The following OPCML variants were observed in gnomAD, a reference collection of about 807,000 sequenced individuals.
The protein encoded by OPCML is opioid-binding protein/cell adhesion molecule.
Under a neutral mutation model 37.8 loss-of-function variants are expected in OPCML, and 13 were observed. The ratio of observed to expected loss-of-function variants is 0.34; its 90% CI spans 0.22 to 0.55. The LOEUF (loss-of-function observed/expected upper bound fraction) is 0.55. Ranked by LOEUF, OPCML falls within the 20% of genes least tolerant of loss-of-function variation. The probability of loss-of-function intolerance (pLI) is 0.91; values close to 1 mark genes in which losing one functional copy is unlikely to be tolerated. For synonymous variants in OPCML, 176 were observed against 168.8 expected (o/e 1.04, Z -0.33); for missense variants, 341 against 435.6 (o/e 0.78, Z 1.93).
At chr11:133,379,443 T>G (rs1346096699) in intron 1 of OPCML, among the ~76,000 whole-genome samples, 1 of 152,208 alleles carries the variant, frequency 6.6e-6, no homozygotes, top group African/African-American at 2.4e-5. Context: ...ATCAGGAAAT[T>G]TTGTGATTCT....
At chr11:132,678,859 C>T (rs1255321594) in intron 2 of OPCML, among the ~76,000 whole-genome samples, 1 of 151,976 alleles carries the variant, frequency 6.6e-6, no homozygotes, top group Non-Finnish European at 1.5e-5. Flanking sequence ...CAAGAGTGAA[C>T]CTTATTGTGA....
intron 1 of OPCML, among the ~76,000 whole-genome samples, chr11:132,993,182 G>A (rs1276506881): frequency 6.6e-6 from 1 of 152,162 alleles, no homozygotes; most frequent in African/African-American, 2.4e-5. Flanking sequence ...GGACGTGCAT[G>A]TCTATGTACG....
chr11:132,504,625 G>A (rs529191508), intron 4 of OPCML, among the ~76,000 whole-genome samples: 14 of 152,070 alleles, frequency 9.2e-5, no homozygotes, highest in Middle Eastern at 6.8e-3. Flanking sequence ...CAGGTTAAAT[G>A]TAGGTTGTTG....
intron 1 of OPCML, among the ~76,000 whole-genome samples, chr11:133,492,457 C>G (rs773280132): frequency 6.6e-6 from 1 of 152,040 alleles, no homozygotes; most frequent in East Asian, 1.9e-4. Flanking sequence ...GGAGGAACAA[C>G]CCAAACGTCA....
chr11:132,598,822 T>G (rs1937627189), intron 3 of OPCML, among the ~76,000 whole-genome samples: 2 of 152,180 alleles, frequency 1.3e-5, no homozygotes, highest in Non-Finnish European at 2.9e-5. Context: ...TATGTTTTTT[T>G]TAAAAAAATT....
chr11:133,245,045 T>C (rs373544777), intron 1 of OPCML, among the ~76,000 whole-genome samples: 1 of 152,196 alleles, frequency 6.6e-6, no homozygotes, highest in East Asian at 1.9e-4. Flanking sequence ...CAAATGCCCA[T>C]CTTCCTCATG....
intron 1 of OPCML, among the ~76,000 whole-genome samples, chr11:133,028,130 ATTTCTTTCTT>A (rs1947598570): frequency 6.6e-6 from 1 of 152,082 alleles, no homozygotes; most frequent in Non-Finnish European, 1.5e-5. Flanking sequence ...CTTTATTTTT[ATTTCTTTCTT>A]TTTATTTTCT....
At chr11:132,468,323 C>T (rs1048191370) in intron 4 of OPCML, among the ~76,000 whole-genome samples, 14 of 152,212 alleles carry the variant, frequency 9.2e-5, no homozygotes, top group Non-Finnish European at 2.1e-4. Flanking sequence ...ACTTTCTATC[C>T]ATACCCCCAT....
intron 1 of OPCML, among the ~76,000 whole-genome samples, chr11:133,147,612 AG>A (rs1442082984): frequency 1.3e-5 from 2 of 152,190 alleles, no homozygotes; most frequent in Non-Finnish European, 2.9e-5. Context: ...GGTAATACAC[AG>A]AAGGGATGGG....
In OPCML at chr11:132,854,283, C is replaced by T. The variant is rs182278905; in HGVS notation, c.146+88643G>A. Among the ~76,000 whole-genome samples the T allele has an allele frequency of 1.1e-4, 17 of 152,322 alleles. No individual in the cohort carries two copies. In the East Asian group the frequency reaches 3.3e-3, roughly 29 times the overall value. ...CTTCTGGCCCCATGGAGTTGGGGTG[C>T]ACCATCCTCCTGGCATTTGGATGTG... On this transcript the variant is annotated intron_variant, in intron 2 of 7. Transcript: ENST00000524381.
At chr11:133,455,282 A>C (rs913336409) in intron 1 of OPCML, among the ~76,000 whole-genome samples, 8 of 152,192 alleles carry the variant, frequency 5.3e-5, no homozygotes, top group African/African-American at 1.4e-4. Context: ...AAACACCAAA[A>C]ATAGTTAGTG....
chr11:132,952,711 CCT>C (rs1285611260), intron 1 of OPCML, among the ~76,000 whole-genome samples: 1 of 152,132 alleles, frequency 6.6e-6, no homozygotes, highest in African/African-American at 2.4e-5. Flanking sequence ...GCAGGGCGAT[CCT>C]CTGAGTTTGT....
At chr11:133,317,960 C>G (rs1199109528) in intron 1 of OPCML, among the ~76,000 whole-genome samples, 1 of 152,148 alleles carries the variant, frequency 6.6e-6, no homozygotes, top group Non-Finnish European at 1.5e-5. Flanking sequence ...GCTTCATGAG[C>G]ATTTATGCCT....
intron 2 of OPCML, among the ~76,000 whole-genome samples, chr11:132,783,498 C>A (rs1010449050): frequency 6.6e-6 from 1 of 152,134 alleles, no homozygotes; most frequent in African/African-American, 2.4e-5. Flanking sequence ...TTGCTCTTTG[C>A]CAAATTTTAT....
intron 2 of OPCML, among the ~76,000 whole-genome samples, chr11:132,913,921 A>G (rs1434639933): frequency 6.6e-6 from 1 of 152,268 alleles, no homozygotes; most frequent in East Asian, 1.9e-4. Flanking sequence ...GCTGCAGCTC[A>G]CTAGGCATCC....
At chr11:133,055,286 T>C (rs1474488346) in intron 1 of OPCML, among the ~76,000 whole-genome samples, 1 of 149,516 alleles carries the variant, frequency 6.7e-6, no homozygotes, top group Non-Finnish European at 1.5e-5. Context: ...GGGAGCCACC[T>C]CTATCATACA....
intron 1 of OPCML, among the ~76,000 whole-genome samples, chr11:133,400,385 A>T (rs1054273990): frequency 6.6e-6 from 1 of 152,236 alleles, no homozygotes; most frequent in Admixed American, 6.5e-5. Context: ...TAAGTTAAGC[A>T]ACCCTTTTAA....
At chr11:133,490,417 T>C (rs1250048527) in intron 1 of OPCML, among the ~76,000 whole-genome samples, 1 of 152,222 alleles carries the variant, frequency 6.6e-6, no homozygotes, top group Non-Finnish European at 1.5e-5. Context: ...GAATCTCATA[T>C]TCTGTAAGAC....
chr11:133,255,029 T>C (rs944789020), intron 1 of OPCML, among the ~76,000 whole-genome samples: 6 of 152,180 alleles, frequency 3.9e-5, no homozygotes, highest in African/African-American at 1.4e-4. Flanking sequence ...TGTAATAGGA[T>C]GTAATGAAGA....
Sources: allele counts gnomAD v4.1 joint callset (sites outside exome capture counted in the v4.1 genomes callset), GRCh38; gene constraint gnomAD v4.1.1; transcripts MANE v1.5; gene names NCBI Gene and HGNC (gene_info 2026-07-23, HGNC 2026-07-21).